Variants in KMT2D observed in about 807,000 individuals in gnomAD.
The protein encoded by KMT2D is histone-lysine N-methyltransferase 2D.
Under a neutral mutation model 512.7 loss-of-function variants are expected in KMT2D, and 55 were observed. That is an observed-to-expected ratio of 0.11 (90% CI 0.09 to 0.13). KMT2D has a LOEUF of 0.13. KMT2D is among the 10% of genes least tolerant of loss of function. The pLI, the probability that KMT2D is intolerant of heterozygous loss-of-function variation, is 1.00. For synonymous variants in KMT2D, 2,995 were observed against 2,904.0 expected (o/e 1.03, Z -1.01); for missense variants, 6,061 against 7,127.9 (o/e 0.85, Z 5.39).
In KMT2D at chr12:49,051,678, A is replaced by G. The variant is rs1432009191; in HGVS notation, c.2005T>C (p.Ser669Pro). The change falls in exon 11 of 55, where the codon TCT becomes CCT. Residue 669 changes from serine to proline, a missense_variant. Physicochemically the swap from Ser to Pro is moderately conservative, Grantham distance 74 (BLOSUM62 -1). Transcript: ENST00000301067. Reference protein sequence around the residue: ...VSRLSPPPEESPLSPPPEESP... With the variant: ...VSRLSPPPEEPPLSPPPEESP... ...TCCTCAGGCGGTGGGGACAAGGGAG[A>G]TTCCTCAGGCGGTGGAGACAGGCGT... 1.3e-6 allele frequency: 2 copies of G among 1,490,610 alleles called. No individual in the cohort carries two copies. Among genetic ancestry groups the G allele is most frequent in the Non-Finnish European group, 1.8e-6 (2 of 1,110,972 alleles). The allele number at this position is 1,490,610 out of a possible 1,614,324, so 92.3% of individuals were successfully genotyped here.
rs751253810 is a variant in KMT2D, at chr12:49,046,263, T to A, written c.4580A>T (p.Glu1527Val). 6.2e-7 allele frequency: 1 copy of A among 1,613,962 alleles called. No individual in the cohort carries two copies. ...EDLLIQCRHC[E>V]RWMHAGCESL... ...GAGGAGAAAGGGATGTTCTCACCGT[T>A]CACAGTGGCGGCACTGGATTAGTAG... The change falls in exon 17 of 55, where the codon GAA becomes GTA. Residue 1527 changes from glutamate to valine, a missense_variant. By Grantham distance (121) the Glu-to-Val change is moderately radical (BLOSUM62 -2). Around this residue, in one of 16 missense-constraint regions of KMT2D, gnomAD observed 640 missense variants for 814.3 expected, o/e 0.79. Coordinates refer to ENST00000301067, the MANE Select transcript of KMT2D (RefSeq NM_003482.4). This position sits in a 1 kb window ranked among gnomAD's most constrained non-coding sequence, Gnocchi z 4.2.
At position 49,049,763 on chromosome 12, in the gene KMT2D, A is replaced by G. The variant is rs1937814862; in HGVS notation, c.3825T>C (p.Ala1275=). Residue 1275 remains alanine, a synonymous_variant, in exon 12 of 55, where the codon GCT becomes GCC. Coordinates refer to ENST00000301067, the MANE Select transcript of KMT2D (RefSeq NM_003482.4). ...CTTTGCCTCCGCTGATAGCTGTCCC[A>G]GCATCGCACAATAGTGAGTCATCAG... ...PETDDSLLCD[A]GTAISGGKAE... is the part of the protein sequence containing the mutation. 1 of 1,612,008 alleles carries G rather than the reference A, an allele frequency of 6.2e-7. No homozygotes were observed. The highest frequency in any genetic ancestry group is 1.3e-5 in the African/African-American group (1 of 75,004).
At chr12:49,052,839 T>C (rs1483777516) in intron 9 of KMT2D, 76 bp downstream of exon 9, 1 of 1,596,790 alleles carries the variant, frequency 6.3e-7, no homozygotes, top group South Asian at 1.1e-5. Context: ...CAAAGTCCAC[T>C]CAATTTAACA....
At position 49,033,219 on chromosome 12, in the gene KMT2D, A is replaced by G. The variant is rs771142956; in HGVS notation, c.11486T>C (p.Met3829Thr). ...GPQGPHRQVL[M>T]TQSRVLSSPQ... ...GGAACTGAGCACCCGGGACTGGGTC[A>G]TAAGCACCTGTCTGTGAGGGCCCTG... The change falls in exon 40 of 55, where the codon ATG becomes ACG. Residue 3829 changes from methionine (M) to threonine (T), a missense_variant. Coordinates refer to ENST00000301067, the MANE Select transcript of KMT2D (RefSeq NM_003482.4). The G allele has an allele frequency of 5.2e-6, 8 of 1,551,656 alleles. No individual in the cohort carries two copies. The South Asian group carries it at 5.9e-5, about 12-fold the overall frequency.
chr12:49,055,863 A>G (rs933915492), intron 1 of KMT2D, among the ~76,000 whole-genome samples: 2 of 152,156 alleles, frequency 1.3e-5, no homozygotes, highest in Non-Finnish European at 2.9e-5. Flanking sequence ...ACTGCAAGAG[A>G]TGTAACACAC....
chr12:49,019,132 G>A lies in KMT2D; in HGVS notation c.*2648C>T, dbSNP rs970913865. On this transcript the variant is annotated 3_prime_UTR_variant, in exon 55 of 55. Coordinates refer to ENST00000301067, the MANE Select transcript of KMT2D (RefSeq NM_003482.4). ...CAAGGACAGGGGCGCTGAGGGTGGA[G>A]GGAGAGAGGGCGCTTTAAAAAAGGG... The A allele has an allele frequency of 8.7e-7, 1 of 1,143,878 alleles. No homozygotes were observed. The highest frequency in any genetic ancestry group is 1.1e-6 in the Non-Finnish European group (1 of 927,222). 70.9% of individuals were successfully genotyped at this position (1,143,878 alleles called of 1,614,324 possible).
chr12:49,056,066 C>T (rs969393329), intron 1 of KMT2D, among the ~76,000 whole-genome samples: 1 of 152,196 alleles, frequency 6.6e-6, no homozygotes, highest in African/African-American at 2.4e-5. Flanking sequence ...CAGGTCATTG[C>T]CCTTAGCAAC....
At chr12:49,031,090 TTCTGTCTGACCCAGGCTCAC>T in intron 40 of KMT2D, 57 bp from the exon 41 acceptor site, 1 of 1,612,078 alleles carries the variant, frequency 6.2e-7, no homozygotes, top group Non-Finnish European at 8.5e-7. Context: ...CCCTCATCTC[TTCTGTCTGACCCAGGCTCAC>T]TCATTCTGCC....
At chr12:49,052,776 G>A (rs1281257063) in intron 9 of KMT2D, 67 bp from the exon 10 acceptor site, 2 of 1,588,256 alleles carry the variant, frequency 1.3e-6, no homozygotes, top group South Asian at 1.1e-5. Flanking sequence ...AGAGCACACT[G>A]GGGGGAGGCA....
In KMT2D at chr12:49,022,423, G is replaced by C. The variant is rs562960914; in HGVS notation, c.16339-70C>G. 25 of 1,528,126 alleles carry C rather than the reference G, an allele frequency of 1.6e-5. No homozygotes were observed. In the African/African-American group the frequency reaches 3.4e-4, roughly 21 times the overall value. 94.7% of individuals were successfully genotyped at this position (1,528,126 alleles called of 1,614,324 possible). A position where few individuals can be genotyped will look rare whatever the true frequency, so the allele number is the denominator to read the frequency against. ...AGTGGCAGTGGTGGCTGTGGGATCA[G>C]GTAGGAGACTCAGGCAGTGGGGGCT... On this transcript the variant is annotated intron_variant, in intron 52 of 54. Transcript: ENST00000301067. The surrounding 1 kb of genome is among the most constrained non-coding windows in gnomAD (Gnocchi z 8.6).
In KMT2D at chr12:49,045,948, C is replaced by T. The variant is rs779713024; in HGVS notation, c.4713G>A (p.Glu1571=). The T allele has an allele frequency of 6.2e-7, 1 of 1,613,982 alleles. No homozygotes were observed. Among genetic ancestry groups the T allele is most frequent in the Non-Finnish European group, 8.5e-7 (1 of 1,179,884 alleles). ...VKPVAPVAPP[E]LVPMKVKEPE... Reference sequence around the variant, plus strand: ...GCTCTTTCACCTTCATGGGCACCAGCTCTGGAGGTGCAACAGGCGCTATGG... The same window carrying T: ...GCTCTTTCACCTTCATGGGCACCAGTTCTGGAGGTGCAACAGGCGCTATGG... The change falls in exon 19 of 55, where the codon GAG becomes GAA. Residue 1571 remains glutamate (E), a synonymous_variant. Transcript: ENST00000301067.
rs375844857 is a variant in KMT2D at position 49,040,192 on chromosome 12, T to C, written c.7578A>G (p.Ala2526=). ...PNFVRSPGTG[A]FVGTPSPMRF... The stretch of plus-strand genomic sequence containing the variant: ...GCATGGGAGAGGGGGTGCCCACAAA[T>C]GCACCCGTCCCAGGGGACCGGACAA... Residue 2526 remains alanine (A), a synonymous_variant, in exon 32 of 55, where the codon GCA becomes GCG. Transcript: ENST00000301067. The C allele has an allele frequency of 1.2e-5, 19 of 1,613,344 alleles. No individual in the cohort carries two copies. In the African/African-American group the frequency reaches 1.7e-4, roughly 15 times the overall value.
intron 23 of KMT2D, 38 bp downstream of exon 23, chr12:49,043,828 GCA>G: frequency 6.2e-7 from 1 of 1,613,950 alleles, no homozygotes; most frequent in Non-Finnish European, 8.5e-7. Context: ...GCCCTGCAGG[GCA>G]CAGACACCTC....
At position 49,020,481 on chromosome 12, in the gene KMT2D, G is replaced by A. The variant is rs1942265041; in HGVS notation, c.*1299C>T. ...AGTAGTTTTACATTTGCTCTCCCCG[G>A]GGGGTGGGGGGAGAGGGGAGGGTTC... On this transcript the variant is annotated 3_prime_UTR_variant, in exon 55 of 55. Coordinates refer to ENST00000301067, the MANE Select transcript of KMT2D (RefSeq NM_003482.4). 5.1e-6 allele frequency: 1 copy of A among 197,988 alleles called. No individual in the cohort carries two copies. The highest frequency in any genetic ancestry group is 1.0e-5 in the Non-Finnish European group (1 of 95,764). The allele number at this position is 197,988 out of a possible 1,614,324, so 12.3% of individuals were successfully genotyped here.
In KMT2D at chr12:49,043,753, G is replaced by T. The variant is rs1943651007; in HGVS notation, c.5349C>A (p.Asp1783Glu). Residue 1783 changes from aspartate (D) to glutamate (E), a missense_variant, in exon 24 of 55, where the codon GAC becomes GAA. Transcript: ENST00000301067. ...CTGCAAAAAGGGCCTTACGGCTCAG[G>T]TCCAGCAGCTCCTTCCCAAAGAAGG... Reference protein sequence around the residue: ...QEAFFGKELLDLSRKALFAVG... With the variant: ...QEAFFGKELLELSRKALFAVG... 16 of 1,613,320 alleles carry T rather than the reference G, an allele frequency of 9.9e-6. No individual in the cohort carries two copies. Among genetic ancestry groups the T allele is most frequent in the Middle Eastern group, 1.7e-4 (1 of 6,056 alleles).
Position 49,041,845 on chromosome 12 carries a change from T to C in KMT2D, c.6183+72A>G. 6.5e-7 allele frequency: 1 copy of C among 1,530,208 alleles called. No homozygotes were observed. The highest frequency in any genetic ancestry group is 8.9e-7 in the Non-Finnish European group (1 of 1,124,662). The allele number at this position is 1,530,208 out of a possible 1,614,324, so 94.8% of individuals were successfully genotyped here. On this transcript the variant is annotated intron_variant, in intron 30 of 54. Coordinates refer to ENST00000301067, the MANE Select transcript of KMT2D (RefSeq NM_003482.4). This position sits in a 1 kb window ranked among gnomAD's most constrained non-coding sequence, Gnocchi z 5.4. ...TTTAGGAGTGGGGAGCGGAAAGAAC[T>C]GAGGTAAATTACCCAAAGATCCCTC...
chr12:49,037,284 T>C lies in KMT2D; in HGVS notation c.10072A>G (p.Ser3358Gly), dbSNP rs1193927108. ...CCTGCCTGCCCTCCATGCTGCCCAC[T>C]TAGCATATGCCCTTGATTGGACACC... The part of the protein sequence containing the change: ...AMVSNQGHML[S>G]GQHGGQAGLV... Residue 3358 changes from serine to glycine, a missense_variant, in exon 35 of 55, where the codon AGT becomes GGT. By Grantham distance (56) the Ser-to-Gly change is moderately conservative (BLOSUM62 0). Around this residue, in one of 16 missense-constraint regions of KMT2D, gnomAD observed 533 missense variants for 539.6 expected, o/e 0.99. Transcript: ENST00000301067. The C allele has an allele frequency of 3.2e-5, 51 of 1,613,530 alleles. No individual in the cohort carries two copies. Among genetic ancestry groups the C allele is most frequent in the Non-Finnish European group, 4.2e-5 (49 of 1,179,836 alleles).
rs76790961 is a variant in KMT2D, at chr12:49,032,697, G to A, written c.12008C>T (p.Ala4003Val). 6.2e-7 allele frequency: 1 copy of A among 1,612,894 alleles called. No individual in the cohort carries two copies. ...GCTAGAAAAGTGTTGAAGAGGCTTTGCTGGCATGCCAGGGCCAAGTGCCAC... is the reference window on the plus strand; with the variant it reads ...GCTAGAAAAGTGTTGAAGAGGCTTTACTGGCATGCCAGGGCCAAGTGCCAC... Reference protein sequence around the residue: ...QQVALGPGMPAKPLQHFSSPG... With the variant: ...QQVALGPGMPVKPLQHFSSPG... Residue 4003 changes from alanine to valine, a missense_variant, in exon 40 of 55, where the codon GCA (alanine) becomes GTA (valine). Coordinates refer to ENST00000301067, the MANE Select transcript of KMT2D (RefSeq NM_003482.4).
chr12:49,052,157 G>A lies in KMT2D; in HGVS notation c.1526C>T (p.Ser509Leu), dbSNP rs2120681918. The change falls in exon 11 of 55, where the codon TCA (serine) becomes TTA (leucine). Residue 509 changes from serine (S) to leucine (L), a missense_variant. Ser to Leu is a moderately radical substitution (Grantham distance 145). Transcript: ENST00000301067. ...EESPLSPPPE[S>L]SPFSPLEESP... Reference sequence around the variant, plus strand: ...CTCCTCCAGTGGAGAAAAAGGTGATGATTCAGGTGGGGGAGACAGAGGAGA... The same window carrying A: ...CTCCTCCAGTGGAGAAAAAGGTGATAATTCAGGTGGGGGAGACAGAGGAGA... The A allele has an allele frequency of 6.2e-7, 1 of 1,612,942 alleles. No individual in the cohort carries two copies. The highest frequency in any genetic ancestry group is 1.3e-5 in the African/African-American group (1 of 74,656).
Sources: allele counts gnomAD v4.1 joint callset (sites outside exome capture counted in the v4.1 genomes callset), GRCh38; gene constraint gnomAD v4.1.1; regional missense constraint gnomAD v4.1.1; non-coding constraint Gnocchi (gnomAD v3.1); transcripts MANE v1.5; gene names NCBI Gene and HGNC (gene_info 2026-07-23, HGNC 2026-07-21).